Variants in FBXL2 observed in about 807,000 individuals in gnomAD.
The protein encoded by FBXL2 is F-box/LRR-repeat protein 2.
A neutral mutation model predicts 69.2 loss-of-function variants in FBXL2; 38 were observed. That is an observed-to-expected ratio of 0.55 (90% CI 0.42 to 0.72). The LOEUF is 0.72. FBXL2 is among the 30% of genes least tolerant of loss of function. The pLI, the probability that FBXL2 is intolerant of heterozygous loss-of-function variation, is 0.00. For synonymous variants in FBXL2, 192 were observed against 201.3 expected (o/e 0.95, Z 0.39); for missense variants, 354 against 520.3 (o/e 0.68, Z 3.11).
At chr3:33,390,513 TGC>T (rs2154053959), downstream of FBXL2, 3 of 824,954 alleles carry the variant, frequency 3.6e-6, 1 homozygote, top group South Asian at 5.1e-5. Flanking sequence ...CAGATTAACT[TGC>T]TCTAGCTCCT....
At chr3:33,278,581 C>T (rs572846419) in intron 1 of FBXL2, among the ~76,000 whole-genome samples, 2 of 152,214 alleles carry the variant, frequency 1.3e-5, no homozygotes, top group South Asian at 4.2e-4. Context: ...CTGGCTGGCT[C>T]AGTTTTTTTC....
chr3:33,385,847 A>T lies in FBXL2; in HGVS notation c.*239A>T, dbSNP rs1024419570. 1 of 529,002 alleles carries T rather than the reference A, an allele frequency of 1.9e-6. No homozygotes were observed. The highest frequency in any genetic ancestry group is 3.4e-6 in the Non-Finnish European group (1 of 294,780). 32.8% of individuals were successfully genotyped at this position (529,002 alleles called of 1,614,324 possible). A position where few individuals can be genotyped will look rare whatever the true frequency, so the allele number is the denominator to read the frequency against. On this transcript the variant is annotated 3_prime_UTR_variant, in exon 15 of 15. Transcript: ENST00000484457. ...AACACATGACAAGTGGTCTCAATGC[A>T]GCTAGGACCATGCCAGAAACCTGGA...
At chr3:33,393,077 G>A, downstream of FBXL2, 3 of 435,862 alleles carry the variant, frequency 6.9e-6, no homozygotes, top group East Asian at 3.8e-5. Flanking sequence ...GTGATTGGCT[G>A]CATCCTAAAG....
rs139126243 is a variant in FBXL2 at position 33,303,164 on chromosome 3, A to T, written c.65+5439A>T. 1,292 of 456,620 alleles carry T rather than the reference A, an allele frequency of 2.8e-3. 14 individuals carry two copies. Among genetic ancestry groups the T allele is most frequent in the African/African-American group, 0.018 (894 of 50,182 alleles). The allele number at this position is 456,620 out of a possible 1,614,324, so 28.3% of individuals were successfully genotyped here. A position where few individuals can be genotyped will look rare whatever the true frequency, so the allele number is the denominator to read the frequency against. On this transcript the variant is annotated intron_variant, in intron 2 of 14. Transcript: ENST00000484457. ...ATATACCAGGGCATCCTAACAGGTAAGATGCTCTTTTGGGGGTACATGCTT... is the reference window on the plus strand; with the variant it reads ...ATATACCAGGGCATCCTAACAGGTATGATGCTCTTTTGGGGGTACATGCTT...
intron 9 of FBXL2, 143 bp downstream of exon 9, chr3:33,374,064 C>G: frequency 1.5e-6 from 1 of 684,078 alleles, no homozygotes; most frequent in Non-Finnish European, 2.5e-6. Flanking sequence ...CCTTATATAA[C>G]CTACCAATTT....
intron 12 of FBXL2, among the ~76,000 whole-genome samples, chr3:33,394,266 A>C (rs1368092493): frequency 6.6e-6 from 1 of 151,292 alleles, no homozygotes; most frequent in Admixed American, 6.6e-5. Context: ...AAGCTGTCTC[A>C]AACTCCTGGG....
At chr3:33,286,264 C>T (rs1025071600) in intron 1 of FBXL2, among the ~76,000 whole-genome samples, 6 of 152,304 alleles carry the variant, frequency 3.9e-5, no homozygotes, top group African/African-American at 2.4e-5. Context: ...ACAGTCAGGA[C>T]CCTCAGCTGC....
chr3:33,348,175 T>G (rs1038075932), intron 2 of FBXL2, among the ~76,000 whole-genome samples: 2 of 152,216 alleles, frequency 1.3e-5, no homozygotes, highest in Non-Finnish European at 2.9e-5. Flanking sequence ...TTTAAGTCTT[T>G]AATCCATTTT....
chr3:33,412,156 C>T, the FBXL2 span, among the ~76,000 whole-genome samples: 3 of 141,858 alleles, frequency 2.1e-5, no homozygotes, highest in Admixed American at 7.2e-5. Flanking sequence ...CACTGCACTC[C>T]AGCCTGGGCA....
chr3:33,344,123 A>G (rs1162222933), intron 2 of FBXL2, among the ~76,000 whole-genome samples: 2 of 152,036 alleles, frequency 1.3e-5, no homozygotes, highest in Non-Finnish European at 2.9e-5. Context: ...AAAAAAAGAA[A>G]AAAAGCTATA....
chr3:33,280,112 A>G (rs2033810116), intron 1 of FBXL2, among the ~76,000 whole-genome samples: 1 of 152,214 alleles, frequency 6.6e-6, no homozygotes, highest in Non-Finnish European at 1.5e-5. Flanking sequence ...GGAACAGGGT[A>G]GGCATGCTTA....
chr3:33,333,157 T>C (rs2039302109), intron 2 of FBXL2, among the ~76,000 whole-genome samples: 1 of 152,190 alleles, frequency 6.6e-6, no homozygotes, highest in South Asian at 2.1e-4. Context: ...ATGAAAATAT[T>C]TTGAAATGTG....
At chr3:33,419,960 G>T in the FBXL2 span, among the ~76,000 whole-genome samples, 1 of 151,664 alleles carries the variant, frequency 6.6e-6, no homozygotes, top group South Asian at 2.1e-4. Context: ...TTTATTTTTT[G>T]TTCCATTTTT....
chr3:33,395,770 AAAAGAAAAAGG>A (rs1559666922), intron 12 of FBXL2, among the ~76,000 whole-genome samples: 2 of 149,622 alleles, frequency 1.3e-5, no homozygotes, highest in Non-Finnish European at 3.0e-5. Flanking sequence ...AAAAAAAAAA[AAAAGAAAAAGG>A]AAAGAAAAAC....
At chr3:33,280,581 C>T (rs1381873066) in intron 1 of FBXL2, among the ~76,000 whole-genome samples, 5 of 151,770 alleles carry the variant, frequency 3.3e-5, no homozygotes, top group African/African-American at 4.8e-5. Context: ...TGGTGGTGCA[C>T]GCCTGTGGTC....
intron 2 of FBXL2, among the ~76,000 whole-genome samples, chr3:33,331,296 A>G (rs1164948172): frequency 6.6e-6 from 1 of 152,164 alleles, no homozygotes; most frequent in Non-Finnish European, 1.5e-5. Context: ...AAAGAAAGTC[A>G]TCTTAGGATA....
downstream of FBXL2, chr3:33,390,511 C>T (rs1015003605): frequency 1.2e-6 from 1 of 820,532 alleles, no homozygotes; most frequent in Admixed American, 2.5e-5. Flanking sequence ...AGCAGATTAA[C>T]TTGCTCTAGC....
chr3:33,416,879 A>G, the FBXL2 span: 1 of 1,466,502 alleles, frequency 6.8e-7, no homozygotes, highest in South Asian at 1.1e-5. Flanking sequence ...TATAAAGAAC[A>G]TCACTTTGCT....
the FBXL2 span, among the ~76,000 whole-genome samples, chr3:33,412,507 C>T: frequency 4.0e-5 from 6 of 150,596 alleles, no homozygotes; most frequent in East Asian, 2.0e-4. Flanking sequence ...CACTTGAAGA[C>T]GGGAGGTAGA....
Sources: allele counts gnomAD v4.1 joint callset (sites outside exome capture counted in the v4.1 genomes callset), GRCh38; gene constraint gnomAD v4.1.1; transcripts MANE v1.5; gene names NCBI Gene and HGNC (gene_info 2026-07-23, HGNC 2026-07-21).